PGGT1B: variants seen among roughly 807,000 people sequenced by gnomAD.
PGGT1B encodes the protein geranylgeranyl transferase type-1 subunit beta.
Under a neutral mutation model 46.1 loss-of-function variants are expected in PGGT1B, and 30 were observed. The observed-to-expected ratio is 0.65, with a 90% CI of 0.49 to 0.88. PGGT1B has a LOEUF of 0.88. Ranked by LOEUF, PGGT1B falls within the 40% of genes least tolerant of loss-of-function variation. The pLI, the probability that PGGT1B is intolerant of heterozygous loss-of-function variation, is 0.00. For missense variants in PGGT1B, 376 were observed against 455.9 expected (o/e 0.82, Z 1.60); for synonymous variants, 170 against 160.0 (o/e 1.06, Z -0.47).
intron 6 of PGGT1B, among the ~76,000 whole-genome samples, 189 bp downstream of exon 6, chr5:115,230,787 T>A (rs1756954622): frequency 6.6e-6 from 1 of 152,016 alleles, no homozygotes; most frequent in African/African-American, 2.4e-5. Flanking sequence ...AACACCTGAA[T>A]GATTACTGAC....
chr5:115,227,201 C>T (rs1430905417), intron 6 of PGGT1B, among the ~76,000 whole-genome samples: 1 of 152,104 alleles, frequency 6.6e-6, no homozygotes, highest in African/African-American at 2.4e-5. Flanking sequence ...GACACTTAAC[C>T]TGATATGTAA....
chr5:115,238,099 T>A, intron 3 of PGGT1B, 90 bp from the exon 4 acceptor site: 1 of 850,546 alleles, frequency 1.2e-6, no homozygotes, highest in South Asian at 2.0e-5. Context: ...TAGTAAATAG[T>A]AAAATTAAAT....
chr5:115,216,121 G>T (rs1756408935), intron 8 of PGGT1B, among the ~76,000 whole-genome samples: 1 of 151,968 alleles, frequency 6.6e-6, no homozygotes, highest in Admixed American at 6.6e-5. Context: ...ATATATTCAG[G>T]ATTTGAAATA....
chr5:115,242,568 A>G (rs1452480549), intron 2 of PGGT1B, among the ~76,000 whole-genome samples: 5 of 152,232 alleles, frequency 3.3e-5, no homozygotes. Flanking sequence ...CAAAAAACTT[A>G]AAATAGTAGC....
intron 2 of PGGT1B, among the ~76,000 whole-genome samples, chr5:115,248,797 G>A (rs980655796): frequency 6.6e-6 from 1 of 152,178 alleles, no homozygotes; most frequent in African/African-American, 2.4e-5. Context: ...TTTCAGACAG[G>A]TCTCTGAATC....
At position 115,206,354 on chromosome 5, in the gene PGGT1B, A is replaced by C. The variant is rs1756062560; in HGVS notation, c.*6048T>G. The C allele has an allele frequency of 6.6e-6, 1 of 151,910 alleles. No individual in the cohort carries two copies. Among genetic ancestry groups the C allele is most frequent in the Admixed American group, 6.6e-5 (1 of 15,230 alleles). The allele number at this position is 151,910 out of a possible 1,614,324, so 9.4% of individuals were successfully genotyped here. A position where few individuals can be genotyped will look rare whatever the true frequency, so the allele number is the denominator to read the frequency against. ...TTTCTTTAAATTATAAAACTAAATG[A>C]CCATTTTAAAAAAAGGTTCAAAGTG... On this transcript the variant is annotated 3_prime_UTR_variant, in exon 9 of 9. Transcript: ENST00000419445.
intron 3 of PGGT1B, among the ~76,000 whole-genome samples, chr5:115,241,183 C>G (rs980653127): frequency 6.6e-6 from 1 of 152,162 alleles, no homozygotes; most frequent in African/African-American, 2.4e-5. Flanking sequence ...GCTTCTTACA[C>G]AGCAGGTATC....
Position 115,204,847 on chromosome 5 carries a change from A to G in PGGT1B, c.*7555T>C, listed in dbSNP as rs1756017973. The G allele has an allele frequency of 6.6e-6, 1 of 152,220 alleles. No individual in the cohort carries two copies. The highest frequency in any genetic ancestry group is 1.5e-5 in the Non-Finnish European group (1 of 68,032). The allele number at this position is 152,220 out of a possible 1,614,324, so 9.4% of individuals were successfully genotyped here. On this transcript the variant is annotated 3_prime_UTR_variant, in exon 9 of 9. Transcript: ENST00000419445. ...CTCTTAATATGATAAATATTAAAAT[A>G]TATCCAGTCATAAAAGTGAAAAGCA...
chr5:115,213,392 G>A (rs1203060773), intron 8 of PGGT1B, among the ~76,000 whole-genome samples: 2 of 152,124 alleles, frequency 1.3e-5, no homozygotes, highest in Non-Finnish European at 2.9e-5. Flanking sequence ...TGCAGTTATA[G>A]GAACATTAAA....
intron 8 of PGGT1B, among the ~76,000 whole-genome samples, chr5:115,215,307 T>C (rs1445014694): frequency 6.6e-6 from 1 of 151,648 alleles, no homozygotes; most frequent in Non-Finnish European, 1.5e-5. Context: ...TTTATTTTAT[T>C]TTATTTTTTG....
At chr5:115,252,973 G>T (rs1279966871) in intron 2 of PGGT1B, 164 bp downstream of exon 2, 2 of 597,108 alleles carry the variant, frequency 3.3e-6, no homozygotes, top group African/African-American at 2.0e-5. Flanking sequence ...GATCAGATTT[G>T]TTAAGTACTG....
intron 7 of PGGT1B, 71 bp from the exon 8 acceptor site, chr5:115,217,044 A>C: frequency 1.4e-6 from 1 of 731,640 alleles, no homozygotes; most frequent in East Asian, 2.6e-5. Context: ...AATTTCAGAT[A>C]CGTGTCATTT....
rs1755988157 is a variant in PGGT1B at position 115,204,079 on chromosome 5, T to C, written c.*8323A>G. On this transcript the variant is annotated 3_prime_UTR_variant, in exon 9 of 9. Coordinates refer to ENST00000419445, the MANE Select transcript of PGGT1B (RefSeq NM_005023.4). ...CTACCACACACTAAAATCATATTAG[T>C]TTTTCGGGGGTAGGAGTAAAGATCA... 2 of 152,154 alleles carry C rather than the reference T, an allele frequency of 1.3e-5. No individual in the cohort carries two copies. The highest frequency in any genetic ancestry group is 2.4e-5 in the African/African-American group (1 of 41,436). 9.4% of individuals were successfully genotyped at this position (152,154 alleles called of 1,614,324 possible).
chr5:115,210,227 G>A lies in PGGT1B; in HGVS notation c.*2175C>T, dbSNP rs1265120552. 6.6e-6 allele frequency: 1 copy of A among 152,068 alleles called. No individual in the cohort carries two copies. The highest frequency in any genetic ancestry group is 1.5e-5 in the Non-Finnish European group (1 of 67,986). The allele number at this position is 152,068 out of a possible 1,614,324, so 9.4% of individuals were successfully genotyped here. A position where few individuals can be genotyped will look rare whatever the true frequency, so the allele number is the denominator to read the frequency against. On this transcript the variant is annotated 3_prime_UTR_variant, in exon 9 of 9. Transcript: ENST00000419445. ...TGCCACAAAATTAGGGGGCGGGAAGGAGACAAGTATAGAGTAGGTAACAGA... is the reference window on the plus strand; with the variant it reads ...TGCCACAAAATTAGGGGGCGGGAAGAAGACAAGTATAGAGTAGGTAACAGA...
At chr5:115,228,714 G>A (rs1756874456) in intron 6 of PGGT1B, among the ~76,000 whole-genome samples, 1 of 152,058 alleles carries the variant, frequency 6.6e-6, no homozygotes. Context: ...AGAAGTGACA[G>A]GAAGAAACAA....
At chr5:115,228,522 T>C (rs2127002372) in intron 6 of PGGT1B, among the ~76,000 whole-genome samples, 1 of 152,256 alleles carries the variant, frequency 6.6e-6, no homozygotes, top group South Asian at 2.1e-4. Context: ...CATGTGTATC[T>C]GGGTGGTTTG....
chr5:115,234,284 T>C lies in PGGT1B; in HGVS notation c.612+2106A>G, dbSNP rs1460132959. Among the ~76,000 whole-genome samples, 4 of 150,924 alleles carry C rather than the reference T, an allele frequency of 2.7e-5. No homozygotes were observed. The East Asian group carries it at 7.8e-4, about 29-fold the overall frequency. On this transcript the variant is annotated intron_variant, in intron 5 of 8. Coordinates refer to ENST00000419445, the MANE Select transcript of PGGT1B (RefSeq NM_005023.4). Reference sequence around the variant, plus strand: ...AAGCATTAAAAATATCCATATCTTCTCATCAATAAGAAATGTAAGAAAGAT... The same window carrying C: ...AAGCATTAAAAATATCCATATCTTCCCATCAATAAGAAATGTAAGAAAGAT...
chr5:115,226,654 G>C (rs1274373575), intron 6 of PGGT1B, among the ~76,000 whole-genome samples: 4 of 151,964 alleles, frequency 2.6e-5, no homozygotes, highest in Admixed American at 6.6e-5. Flanking sequence ...TTCCAAGCAA[G>C]AGATGCAAAG....
rs1446961824 is a variant in PGGT1B, at chr5:115,207,936, A to T, written c.*4466T>A. ...ATAGATTATTCATCAATTTCTACTT[A>T]GTATAGTTAACATAAGTGAGTGCTC... On this transcript the variant is annotated 3_prime_UTR_variant, in exon 9 of 9. Coordinates refer to ENST00000419445, the MANE Select transcript of PGGT1B (RefSeq NM_005023.4). 2.0e-5 allele frequency: 3 copies of T among 152,116 alleles called. No individual in the cohort carries two copies. Among genetic ancestry groups the T allele is most frequent in the Non-Finnish European group, 2.9e-5 (2 of 67,960 alleles). The allele number at this position is 152,116 out of a possible 1,614,324, so 9.4% of individuals were successfully genotyped here.
Sources: allele counts gnomAD v4.1 joint callset (sites outside exome capture counted in the v4.1 genomes callset), GRCh38; gene constraint gnomAD v4.1.1; transcripts MANE v1.5; gene names NCBI Gene and HGNC (gene_info 2026-07-23, HGNC 2026-07-21).